The following PNOC variants were observed in gnomAD, a reference collection of about 807,000 sequenced individuals.
PNOC encodes the protein prepronociceptin, also known as nociceptin.
PNOC carries 10 observed loss-of-function variants against 15.6 expected under a neutral mutation model. The ratio of observed to expected loss-of-function variants is 0.64; its 90% CI spans 0.40 to 1.09. The LOEUF is 1.09. Ranked by LOEUF, PNOC falls within the 50% of genes least tolerant of loss-of-function variation. PNOC has a pLI of 0.01. For missense variants in PNOC, 220 were observed against 223.9 expected (o/e 0.98, Z 0.11); for synonymous variants, 98 against 88.5 (o/e 1.11, Z -0.60).
chr8:28,321,392 T>C (rs1470027192), intron 1 of PNOC, among the ~76,000 whole-genome samples: 1 of 152,054 alleles, frequency 6.6e-6, no homozygotes, highest in Non-Finnish European at 1.5e-5. Flanking sequence ...TGTGGGAGTG[T>C]GGCCCAGAAC....
chr8:28,328,929 A>G (rs2614100), intron 1 of PNOC, among the ~76,000 whole-genome samples: 49,467 of 151,878 alleles, frequency 0.33, 9,931 homozygotes, highest in Non-Finnish European at 0.46. Context: ...ACAAGCCTCT[A>G]CATGAACACT....
intron 2 of PNOC, among the ~76,000 whole-genome samples, chr8:28,332,570 A>G (rs1400551835): frequency 6.6e-6 from 1 of 152,228 alleles, no homozygotes; most frequent in Non-Finnish European, 1.5e-5. Context: ...CAGCTCAAGG[A>G]GAAAAAACTG....
chr8:28,331,748 C>G (rs1196389161), intron 2 of PNOC, among the ~76,000 whole-genome samples: 2 of 152,138 alleles, frequency 1.3e-5, no homozygotes, highest in African/African-American at 2.4e-5. Context: ...GATTCTCCAC[C>G]CACCCCAGTG....
In PNOC at chr8:28,339,045, C is replaced by T. The variant is rs1480855937; in HGVS notation, c.132C>T (p.Cys44=). ...TCTCACCCGTATCTTTGCAGGTGTG[C>T]ATCCTCGAGTGTGAAGAGAAGGTCT... ...PALDSFDLEV[C]ILECEEKVFP... The change falls in exon 3 of 4, where the codon TGC becomes TGT. Residue 44 remains cysteine (C), a synonymous_variant. Coordinates refer to ENST00000301908, the MANE Select transcript of PNOC (RefSeq NM_006228.5). 3.8e-6 allele frequency: 6 copies of T among 1,580,982 alleles called. No individual in the cohort carries two copies. The East Asian group carries it at 6.8e-5, about 18-fold the overall frequency.
intron 1 of PNOC, among the ~76,000 whole-genome samples, chr8:28,320,084 CTTTCTTTCTTTTTT>C (rs1280222607): frequency 1.3e-4 from 5 of 37,186 alleles, no homozygotes; most frequent in South Asian, 8.6e-4. Flanking sequence ...TTCTTTCTTT[CTTTCTTTCTTTTTT>C]TTTTTTTTTT....
At chr8:28,326,958 G>T (rs1801234840) in intron 1 of PNOC, among the ~76,000 whole-genome samples, 1 of 152,212 alleles carries the variant, frequency 6.6e-6, no homozygotes, top group Admixed American at 6.5e-5. Context: ...CAGCTGGTCT[G>T]CAGGGTGCAT....
At chr8:28,317,944 G>A (rs1269053000) in intron 1 of PNOC, among the ~76,000 whole-genome samples, 3 of 152,098 alleles carry the variant, frequency 2.0e-5, no homozygotes, top group Non-Finnish European at 2.9e-5. Context: ...TGAGCGCCAC[G>A]GCGTGTGAAT....
chr8:28,322,008 G>A (rs1161332768), intron 1 of PNOC, among the ~76,000 whole-genome samples: 3 of 152,190 alleles, frequency 2.0e-5, no homozygotes, highest in East Asian at 1.9e-4. Context: ...ATGGGGCATC[G>A]GGAAGACCCA....
chr8:28,335,682 C>A (rs2129892846), intron 2 of PNOC, among the ~76,000 whole-genome samples: 1 of 152,216 alleles, frequency 6.6e-6, no homozygotes, highest in African/African-American at 2.4e-5. Flanking sequence ...CATGCACCAC[C>A]ACGCCCAGCT....
Position 28,330,390 on chromosome 8 carries a change from TA to T in PNOC, c.126+1108del, listed in dbSNP as rs763589431. Among the ~76,000 whole-genome samples the T allele has an allele frequency of 6.7e-4, 52 of 78,094 alleles. 3 individuals are homozygous for T. Among genetic ancestry groups the T allele is most frequent in the South Asian group, 1.5e-3 (4 of 2,692 alleles). 51.2% of individuals were successfully genotyped at this position (78,094 alleles called of 152,430 possible). On this transcript the variant is annotated intron_variant, in intron 2 of 3. Coordinates refer to ENST00000301908, the MANE Select transcript of PNOC (RefSeq NM_006228.5). Reference sequence around the variant, plus strand: ...TATTTTATTTTATTTTATTTTATTTTATTTTATTTTTTTTTTTTTTTTGAGA... The same window carrying T: ...TATTTTATTTTATTTTATTTTATTTTTTTTATTTTTTTTTTTTTTTTGAGA...
At chr8:28,318,062 T>TA (rs1299218924) in intron 1 of PNOC, among the ~76,000 whole-genome samples, 2 of 152,056 alleles carry the variant, frequency 1.3e-5, no homozygotes, top group Non-Finnish European at 2.9e-5. Context: ...CTCCCCCACC[T>TA]AAAGGTCTTT....
chr8:28,329,295 A>G lies in PNOC; in HGVS notation c.126+12A>G, dbSNP rs1489518243. On this transcript the variant is annotated intron_variant, in intron 2 of 3. Transcript: ENST00000301908. ...GCTTCGACCTGGAGGTAGGTCTCCA[A>G]GGCAAGGCAGAGAGGCTGTCCTCCT... is the stretch of plus-strand genomic sequence containing the variant. 3.2e-5 allele frequency: 51 copies of G among 1,612,118 alleles called. No individual in the cohort carries two copies. Among genetic ancestry groups the G allele is most frequent in the Non-Finnish European group, 4.2e-5 (50 of 1,180,000 alleles).
At chr8:28,338,127 C>G (rs920366738) in intron 2 of PNOC, among the ~76,000 whole-genome samples, 2 of 152,128 alleles carry the variant, frequency 1.3e-5, no homozygotes, top group Admixed American at 6.5e-5. Context: ...AGTGGGGTTT[C>G]CAGCCGGCTA....
At chr8:28,326,613 G>C (rs577242866) in intron 1 of PNOC, among the ~76,000 whole-genome samples, 35 of 152,180 alleles carry the variant, frequency 2.3e-4, no homozygotes, top group African/African-American at 6.3e-4. Context: ...TGTAATCTCA[G>C]CACTTTGGGA....
chr8:28,323,675 T>A (rs1312474923), intron 1 of PNOC, among the ~76,000 whole-genome samples: 1 of 152,346 alleles, frequency 6.6e-6, no homozygotes, highest in East Asian at 1.9e-4. Context: ...AACTAAGTAC[T>A]CATCTCCATT....
At position 28,337,085 on chromosome 8, in the gene PNOC, G is replaced by A. The variant is rs574617576; in HGVS notation, c.127-1955G>A. Among the ~76,000 whole-genome samples, 154 of 152,290 alleles carry A rather than the reference G, an allele frequency of 1.0e-3. 1 individual carries two copies. The highest frequency in any genetic ancestry group is 2.3e-3 in the African/African-American group (96 of 41,558). ...AGTGAGAAGGGAACAGCCCAGGGCT[G>A]CAGTGGCAGCTCCAGTCTCCTCTCT... On this transcript the variant is annotated intron_variant, in intron 2 of 3. Transcript: ENST00000301908.
chr8:28,329,030 G>A, intron 1 of PNOC, 105 bp from the exon 2 acceptor site: 2 of 1,148,074 alleles, frequency 1.7e-6, no homozygotes, highest in Non-Finnish European at 2.5e-6. Flanking sequence ...TCCTGCCAGA[G>A]ACAGCAGAGA....
At chr8:28,338,791 A>C in intron 2 of PNOC, 1 of 1,184,836 alleles carries the variant, frequency 8.4e-7, no homozygotes. Flanking sequence ...CACCAGAGGT[A>C]AGTTACGCTC....
intron 2 of PNOC, among the ~76,000 whole-genome samples, chr8:28,337,644 A>G (rs979130632): frequency 4.5e-5 from 6 of 131,946 alleles, no homozygotes; most frequent in South Asian, 2.5e-4. Context: ...GTGCAGTGGC[A>G]CGATCTCGGT....
Sources: gnomAD v4.1 joint callset for allele counts (sites outside exome capture counted in the v4.1 genomes callset) on GRCh38, gnomAD v4.1.1 for gene constraint, MANE v1.5 for transcripts, NCBI Gene and HGNC (gene_info 2026-07-23, HGNC 2026-07-21) for gene names.